Variants in SNX6 observed in about 807,000 individuals in gnomAD.
SNX6 encodes the protein sorting nexin-6.
A neutral mutation model predicts 63.0 loss-of-function variants in SNX6; 34 were observed. That is an observed-to-expected ratio of 0.54 (90% CI 0.41 to 0.72). SNX6 has a LOEUF of 0.72. Among genes scored for constraint, SNX6 ranks in the 30% least tolerant of loss-of-function variants. The pLI, the probability that SNX6 is intolerant of heterozygous loss-of-function variation, is 0.00. For synonymous variants in SNX6, 170 were observed against 164.2 expected, an observed-to-expected ratio of 1.04 and a Z score of -0.27; for missense variants, 398 against 471.4, an observed-to-expected ratio of 0.84 and a Z score of 1.44.
intron 11 of SNX6, among the ~76,000 whole-genome samples, chr14:34,571,250 G>C (rs1359980165): frequency 6.6e-6 from 1 of 151,546 alleles, no homozygotes; most frequent in Non-Finnish European, 1.5e-5. Flanking sequence ...TGGCTAAAAC[G>C]GTGAAACCCC....
At chr14:34,581,039 G>A (rs1466392748) in intron 10 of SNX6, among the ~76,000 whole-genome samples, 1 of 152,174 alleles carries the variant, frequency 6.6e-6, no homozygotes, top group African/African-American at 2.4e-5. Context: ...ATCCAAATCT[G>A]TTTCATCATC....
At chr14:34,593,216 T>C (rs1300838577) in intron 7 of SNX6, 66 bp from the exon 8 acceptor site, 4 of 920,350 alleles carry the variant, frequency 4.3e-6, no homozygotes, top group Non-Finnish European at 6.6e-6. Context: ...TGTAAATAAC[T>C]ATCATTATAA....
At position 34,567,762 on chromosome 14, in the gene SNX6, T is replaced by C; in HGVS notation, c.1091A>G (p.Asp364Gly). The change falls in exon 13 of 14, where the codon GAT (aspartate) becomes GGT (glycine). Residue 364 changes from aspartate (D) to glycine (G), a missense_variant. By Grantham distance (94) the Asp-to-Gly change is moderately conservative. Coordinates refer to ENST00000362031, the MANE Select transcript of SNX6 (RefSeq NM_152233.4). ...ISESAKQELI[D>G]FKTRRVAAFR... ...TGCAGCAACTCTTCTTGTCTTAAAA[T>C]CTATAAGTTCTGTGAAAAAGAAATT... 6.2e-7 allele frequency: 1 copy of C among 1,613,558 alleles called. No homozygotes were observed. The highest frequency in any genetic ancestry group is 8.5e-7 in the Non-Finnish European group (1 of 1,179,554).
At chr14:34,617,919 CAAA>C (rs749450307) in intron 2 of SNX6, among the ~76,000 whole-genome samples, 1 of 88,058 alleles carries the variant, frequency 1.1e-5, no homozygotes, top group Non-Finnish European at 2.4e-5. Flanking sequence ...AGACTGCCTC[CAAA>C]AAAAAAAAAA....
chr14:34,565,464 G>A (rs1441419897), intron 13 of SNX6, among the ~76,000 whole-genome samples: 1 of 152,014 alleles, frequency 6.6e-6, no homozygotes, highest in Admixed American at 6.6e-5. Context: ...AAGCAGGTGG[G>A]CTGTAGTTTA....
rs1238751979 is a variant in SNX6 at position 34,597,568 on chromosome 14, T to G, written c.594A>C (p.Val198=). 21 of 1,600,102 alleles carry G rather than the reference T, an allele frequency of 1.3e-5. No individual in the cohort carries two copies. Among genetic ancestry groups the G allele is most frequent in the Non-Finnish European group, 1.6e-5 (19 of 1,169,710 alleles). The part of the protein sequence containing the change: ...FKNMVKSADG[V]IVSGVKDVDD... ...ATCTTACCTTTACTCCTGAAACGAT[T>G]ACTCCATCTGCTGATTTAACCATGT... The change falls in exon 7 of 14, where the codon GTA becomes GTC. Residue 198 remains valine (V), a synonymous_variant. Coordinates refer to ENST00000362031, the MANE Select transcript of SNX6 (RefSeq NM_152233.4).
chr14:34,596,798 A>G (rs948037480), intron 7 of SNX6, among the ~76,000 whole-genome samples: 1 of 151,790 alleles, frequency 6.6e-6, no homozygotes, highest in Non-Finnish European at 1.5e-5. Context: ...CCTCCCGAGT[A>G]GCTGGGATTA....
intron 13 of SNX6, among the ~76,000 whole-genome samples, chr14:34,567,354 GCA>G (rs1881233480): frequency 6.6e-6 from 1 of 152,124 alleles, no homozygotes; most frequent in Admixed American, 6.6e-5. Context: ...AGGTGTGGTG[GCA>G]CATACCTGTA....
intron 2 of SNX6, among the ~76,000 whole-genome samples, chr14:34,625,548 C>T (rs1220549596): frequency 1.3e-5 from 2 of 151,988 alleles, no homozygotes; most frequent in Non-Finnish European, 2.9e-5. Context: ...GCCTGGCCAA[C>T]ATGGTGTAAC....
intron 7 of SNX6, among the ~76,000 whole-genome samples, chr14:34,594,963 G>A (rs865891085): frequency 1.4e-4 from 22 of 152,034 alleles, no homozygotes; most frequent in Non-Finnish European, 3.2e-4. Context: ...GTGATGGCAC[G>A]TACCTATAGT....
chr14:34,577,837 G>C (rs1409447209), intron 10 of SNX6, among the ~76,000 whole-genome samples: 2 of 152,066 alleles, frequency 1.3e-5, no homozygotes, highest in Non-Finnish European at 2.9e-5. Flanking sequence ...ACTAAAAAAA[G>C]AGATAGGTAT....
In SNX6 at chr14:34,562,526, A is replaced by G. The variant is rs1437941037; in HGVS notation, c.*596T>C. On this transcript the variant is annotated 3_prime_UTR_variant, in exon 14 of 14. Transcript: ENST00000362031. ...TATTTTACAATACTTGGTTTAGTCT[A>G]CAAGTTTAAGGCAAACATACTAATG... 6.5e-6 allele frequency: 1 copy of G among 152,694 alleles called. No homozygotes were observed. The highest frequency in any genetic ancestry group is 1.5e-5 in the Non-Finnish European group (1 of 68,064). The allele number at this position is 152,694 out of a possible 1,614,324, so 9.5% of individuals were successfully genotyped here.
intron 5 of SNX6, chr14:34,604,056 A>T: frequency 7.9e-6 from 2 of 252,120 alleles, no homozygotes; most frequent in Non-Finnish European, 1.1e-5. Context: ...AGTTTGGGGG[A>T]AAAAAAAAAA....
rs546315314 is a variant in SNX6, at chr14:34,562,889, G to A, written c.*233C>T. On this transcript the variant is annotated 3_prime_UTR_variant, in exon 14 of 14. Transcript: ENST00000362031. ...TGAACTTTGGACTTCTGAGTATGAC[G>A]AGTGCACGATGATGGACCACTGTCA... The A allele has an allele frequency of 8.9e-5, 45 of 503,254 alleles. No individual in the cohort carries two copies. The East Asian group carries it at 1.2e-3, about 13-fold the overall frequency. The allele number at this position is 503,254 out of a possible 1,614,324, so 31.2% of individuals were successfully genotyped here. A position where few individuals can be genotyped will look rare whatever the true frequency, so the allele number is the denominator to read the frequency against.
intron 13 of SNX6, among the ~76,000 whole-genome samples, chr14:34,566,130 G>C (rs1881172224): frequency 6.6e-6 from 1 of 152,134 alleles, no homozygotes; most frequent in Non-Finnish European, 1.5e-5. Flanking sequence ...ATGAACATTA[G>C]AAACCAGCTC....
At chr14:34,580,861 T>G (rs1594707144) in intron 10 of SNX6, among the ~76,000 whole-genome samples, 2 of 151,750 alleles carry the variant, frequency 1.3e-5, no homozygotes, top group South Asian at 2.1e-4. Flanking sequence ...TGCTATGTTT[T>G]CCCAGGCTGA....
Position 34,605,787 on chromosome 14 carries a change from T to C in SNX6, c.271-70A>G, listed in dbSNP as rs144847995. 784 of 1,532,868 alleles carry C rather than the reference T, an allele frequency of 5.1e-4. 4 individuals are homozygous for C. In the African/African-American group the frequency reaches 9.7e-3, roughly 19 times the overall value. 95.0% of individuals were successfully genotyped at this position (1,532,868 alleles called of 1,614,324 possible). A position where few individuals can be genotyped will look rare whatever the true frequency, so the allele number is the denominator to read the frequency against. ...TTGAAGCATTGTACTACTGCCACCA[T>C]AGAAGACTGTGTCTGGGAAAGCTAA... On this transcript the variant is annotated intron_variant, in intron 4 of 13. Coordinates refer to ENST00000362031, the MANE Select transcript of SNX6 (RefSeq NM_152233.4).
chr14:34,627,177 T>G (rs1883859620), intron 2 of SNX6, among the ~76,000 whole-genome samples: 1 of 152,094 alleles, frequency 6.6e-6, no homozygotes, highest in South Asian at 2.1e-4. Flanking sequence ...CCAGGCGCGG[T>G]GGCTCACGCC....
Position 34,603,527 on chromosome 14 carries a change from T to C in SNX6, c.393-56A>G, listed in dbSNP as rs182811506. The C allele has an allele frequency of 1.1e-4, 157 of 1,444,494 alleles. 1 individual carries two copies. The African/African-American group carries it at 2.0e-3, about 18-fold the overall frequency. 89.5% of individuals were successfully genotyped at this position (1,444,494 alleles called of 1,614,324 possible). A position where few individuals can be genotyped will look rare whatever the true frequency, so the allele number is the denominator to read the frequency against. On this transcript the variant is annotated intron_variant, in intron 5 of 13. Transcript: ENST00000362031. ...AAACTCCATCAACTAAAAAGTCACC[T>C]GCAACAATTTTTTTCAGAAAATACT...
Sources: allele counts gnomAD v4.1 joint callset (sites outside exome capture counted in the v4.1 genomes callset), GRCh38; gene constraint gnomAD v4.1.1; transcripts MANE v1.5; gene names NCBI Gene and HGNC (gene_info 2026-07-23, HGNC 2026-07-21).